Variants in PCDHA2 observed in about 807,000 individuals in gnomAD.
PCDHA2 encodes the protein protocadherin alpha 2.
A neutral mutation model predicts 66.0 loss-of-function variants in PCDHA2; 58 were observed. The ratio of observed to expected loss-of-function variants is 0.88; its 90% CI spans 0.71 to 1.09. The LOEUF (loss-of-function observed/expected upper bound fraction) is 1.09, where lower values mean the gene tolerates loss of function less well. Ranked by LOEUF, PCDHA2 falls within the 50% of genes least tolerant of loss-of-function variation. PCDHA2 has a pLI of 0.00. For missense variants in PCDHA2, 1,267 were observed against 1,242.3 expected, an observed-to-expected ratio of 1.02 and a Z score of -0.30; for synonymous variants, 634 against 554.0, an observed-to-expected ratio of 1.14 and a Z score of -2.03.
intron 1 of PCDHA2, chr5:140,884,544 G>A (rs1554181708): frequency 6.2e-7 from 1 of 1,614,222 alleles, no homozygotes; most frequent in East Asian, 2.2e-5. Flanking sequence ...CCGAGGGTGT[G>A]CTCTGGGGAG....
chr5:140,870,308 A>G, intron 1 of PCDHA2: 1 of 1,614,140 alleles, frequency 6.2e-7, no homozygotes, highest in Non-Finnish European at 8.5e-7. Context: ...ACCTTCAAGA[A>G]TTACTACTCG....
At chr5:140,907,381 G>T (rs2073350294) in intron 1 of PCDHA2, among the ~76,000 whole-genome samples, 1 of 152,180 alleles carries the variant, frequency 6.6e-6, no homozygotes, top group African/African-American at 2.4e-5. Context: ...TGAGTGCCTT[G>T]GTCAAAGGCA....
intron 1 of PCDHA2, chr5:140,814,031 T>G (rs1554126362): frequency 6.5e-6 from 1 of 153,106 alleles, no homozygotes; most frequent in East Asian, 1.9e-4. Flanking sequence ...TAAATTAACC[T>G]TAGCTTACTG....
At chr5:140,929,298 A>T in intron 1 of PCDHA2, 1 of 1,591,722 alleles carries the variant, frequency 6.3e-7, no homozygotes, top group South Asian at 1.1e-5. Context: ...GGAATAGGAA[A>T]GGGGATCACG....
intron 1 of PCDHA2, chr5:140,966,461 C>A: frequency 2.3e-6 from 1 of 429,006 alleles, no homozygotes; most frequent in East Asian, 3.5e-5. Flanking sequence ...CCCCCTCTGT[C>A]TTCCCTTCTG....
chr5:140,842,916 A>G, intron 1 of PCDHA2: 1 of 1,594,694 alleles, frequency 6.3e-7, no homozygotes, highest in South Asian at 1.1e-5. Context: ...GAGCTGCTGC[A>G]GTTCCAGGTG....
intron 1 of PCDHA2, chr5:140,825,399 ATTATATATT>A (rs1370061180): frequency 4.1e-5 from 6 of 145,886 alleles, no homozygotes; most frequent in African/African-American, 1.5e-4. Flanking sequence ...TATCTAATAT[ATTATATATT>A]TTATATAATA....
chr5:140,801,176 T>C (rs782375561), intron 1 of PCDHA2: 115 of 1,569,244 alleles, frequency 7.3e-5, no homozygotes, highest in Non-Finnish European at 9.6e-5. Flanking sequence ...AAAGGCAATC[T>C]AATATTTGGA....
Position 140,863,280 on chromosome 5 carries a change from C to T in PCDHA2, c.2388+65928C>T, listed in dbSNP as rs782682336. The T allele has an allele frequency of 3.4e-6, 5 of 1,461,684 alleles. No individual in the cohort carries two copies. The African/African-American group carries it at 5.7e-5, about 17-fold the overall frequency. 90.5% of individuals were successfully genotyped at this position (1,461,684 alleles called of 1,614,324 possible). A position where few individuals can be genotyped will look rare whatever the true frequency, so the allele number is the denominator to read the frequency against. On this transcript the variant is annotated intron_variant, in intron 1 of 3. Coordinates refer to ENST00000526136, the MANE Select transcript of PCDHA2 (RefSeq NM_018905.3). ...TCCGGGAGGCAGCGCTGGTGGATGT[C>T]AACGTGTACCTGATCATCGCCATCT...
chr5:140,846,051 C>T lies in PCDHA2; in HGVS notation c.2388+48699C>T, dbSNP rs2150384133. Among the ~76,000 whole-genome samples the T allele has an allele frequency of 2.0e-5, 3 of 149,742 alleles. No individual in the cohort carries two copies. In the South Asian group the frequency reaches 6.3e-4, roughly 32 times the overall value. ...TTTAGGAAAGTCAAGTTAACACCAC[C>T]TATGTGGGAAAACAGTTTTTTGGAA... On this transcript the variant is annotated intron_variant, in intron 1 of 3. Coordinates refer to ENST00000526136, the MANE Select transcript of PCDHA2 (RefSeq NM_018905.3).
intron 1 of PCDHA2, chr5:140,862,713 C>CG (rs2153223672): frequency 1.8e-6 from 1 of 561,970 alleles, no homozygotes; most frequent in East Asian, 4.9e-5. Flanking sequence ...AGCGGGTGGG[C>CG]GAGTGCGCGC....
Position 140,931,003 on chromosome 5 carries a change from A to G in PCDHA2, c.2389-47946A>G, listed in dbSNP as rs2087240942. On this transcript the variant is annotated intron_variant, in intron 1 of 3. Coordinates refer to ENST00000526136, the MANE Select transcript of PCDHA2 (RefSeq NM_018905.3). The stretch of plus-strand genomic sequence containing the variant: ...CTTCCTCATGACCTACACTAATAAC[A>G]TAACAGAGGAATTTTCTGATTGTAG... Among the ~76,000 whole-genome samples the G allele has an allele frequency of 2.0e-5, 3 of 152,232 alleles. No homozygotes were observed. The South Asian group carries it at 6.2e-4, about 32-fold the overall frequency.
At chr5:140,852,881 A>G in intron 1 of PCDHA2, 1 of 940,356 alleles carries the variant, frequency 1.1e-6, no homozygotes, top group Non-Finnish European at 1.3e-6. Flanking sequence ...TAATCATAAA[A>G]CGTATTTTTT....
chr5:140,928,572 C>T, intron 1 of PCDHA2: 1 of 1,614,200 alleles, frequency 6.2e-7, no homozygotes, highest in Non-Finnish European at 8.5e-7. Flanking sequence ...TTCCCTTGCC[C>T]AGAAATGGTT....
At chr5:140,982,298 A>G (rs1371152402) in intron 2 of PCDHA2, 177 bp from the exon 3 acceptor site, 12 of 1,189,736 alleles carry the variant, frequency 1.0e-5, no homozygotes, top group Admixed American at 5.6e-5. Flanking sequence ...TAAGTCAGCA[A>G]TGCTTCTGCA....
intron 3 of PCDHA2, among the ~76,000 whole-genome samples, chr5:140,983,419 A>G (rs1209385386): frequency 5.3e-5 from 8 of 152,210 alleles, no homozygotes; most frequent in Non-Finnish European, 1.2e-4. Flanking sequence ...GTGTTGGTAG[A>G]GACCACAAAT....
intron 1 of PCDHA2, chr5:140,876,390 T>C (rs782772987): frequency 1.2e-6 from 2 of 1,613,902 alleles, no homozygotes; most frequent in African/African-American, 1.3e-5. Context: ...GAATTTATGG[T>C]GAACTGGATT....
At chr5:140,975,326 G>A (rs901942738) in intron 1 of PCDHA2, among the ~76,000 whole-genome samples, 2 of 152,216 alleles carry the variant, frequency 1.3e-5, no homozygotes, top group Non-Finnish European at 2.9e-5. Flanking sequence ...GTCCCATCCA[G>A]ATGATCTCCC....
intron 1 of PCDHA2, chr5:140,968,791 C>G (rs2096270570): frequency 2.5e-6 from 4 of 1,614,076 alleles, no homozygotes; most frequent in Non-Finnish European, 3.4e-6. Flanking sequence ...CCTCTGTGGC[C>G]ATTACAGTAG....
Sources: gnomAD v4.1 joint callset for allele counts (sites outside exome capture counted in the v4.1 genomes callset) on GRCh38, gnomAD v4.1.1 for gene constraint, MANE v1.5 for transcripts, NCBI Gene and HGNC (gene_info 2026-07-23, HGNC 2026-07-21) for gene names.